Variants in INPP4B observed in about 807,000 individuals in gnomAD.
INPP4B encodes inositol polyphosphate-4-phosphatase type II B, also known as inositol polyphosphate 4-phosphatase type II.
Under a neutral mutation model 122.5 loss-of-function variants are expected in INPP4B, and 55 were observed. The ratio of observed to expected loss-of-function variants is 0.45; its 90% CI spans 0.36 to 0.56. The LOEUF is 0.56. Among genes scored for constraint, INPP4B ranks in the 20% least tolerant of loss-of-function variants. The pLI, the probability that INPP4B is intolerant of heterozygous loss-of-function variation, is 0.00. For synonymous variants in INPP4B, 403 were observed against 388.7 expected, an observed-to-expected ratio of 1.04 and a Z score of -0.43; for missense variants, 1,000 against 1,097.7, an observed-to-expected ratio of 0.91 and a Z score of 1.26.
At chr4:142,292,350 C>T (rs1756810084) in intron 9 of INPP4B, among the ~76,000 whole-genome samples, 1 of 152,186 alleles carries the variant, frequency 6.6e-6, no homozygotes, top group African/African-American at 2.4e-5. Flanking sequence ...CTGTATCTCA[C>T]TTGGTCATAG....
intron 2 of INPP4B, among the ~76,000 whole-genome samples, chr4:142,556,353 C>T (rs1729167790): frequency 6.6e-6 from 1 of 152,110 alleles, no homozygotes; most frequent in Non-Finnish European, 1.5e-5. Context: ...TTACTGGGTC[C>T]CTGACTCCAG....
At chr4:142,552,696 C>T (rs1728266108) in intron 2 of INPP4B, among the ~76,000 whole-genome samples, 2 of 152,290 alleles carry the variant, frequency 1.3e-5, no homozygotes, top group South Asian at 4.1e-4. Flanking sequence ...TTAATATTTA[C>T]CATCTGCCAG....
At chr4:142,080,901 G>T (rs948353058) in intron 25 of INPP4B, among the ~76,000 whole-genome samples, 1 of 152,072 alleles carries the variant, frequency 6.6e-6, no homozygotes, top group Non-Finnish European at 1.5e-5. Flanking sequence ...TTAGTGCTGA[G>T]ATATTATTTT....
chr4:142,224,117 C>A (rs540835220), intron 12 of INPP4B, among the ~76,000 whole-genome samples: 2 of 152,042 alleles, frequency 1.3e-5, no homozygotes, highest in Non-Finnish European at 2.9e-5. Context: ...AGACACAAGG[C>A]GAGGCTGGAG....
At chr4:142,429,073 ATT>A in intron 5 of INPP4B, 98 bp downstream of exon 5, 1 of 591,602 alleles carries the variant, frequency 1.7e-6, no homozygotes, top group South Asian at 2.3e-5. Flanking sequence ...GTTCATAAAA[ATT>A]TGTCAAATAT....
At chr4:142,755,274 T>C (rs1402748939) in intron 1 of INPP4B, among the ~76,000 whole-genome samples, 1 of 152,090 alleles carries the variant, frequency 6.6e-6, no homozygotes, top group Admixed American at 6.6e-5. Flanking sequence ...ATTCTATGTC[T>C]ATATCATTAT....
intron 12 of INPP4B, among the ~76,000 whole-genome samples, chr4:142,220,061 T>C (rs966377309): frequency 6.6e-6 from 1 of 152,224 alleles, no homozygotes; most frequent in Admixed American, 6.5e-5. Context: ...CAATGAATGT[T>C]CTTTTGGACA....
At position 142,253,370 on chromosome 4, in the gene INPP4B, A is replaced by T. The variant is rs187597138; in HGVS notation, c.688+7122T>A. Among the ~76,000 whole-genome samples, 403 of 152,352 alleles carry T rather than the reference A, an allele frequency of 2.6e-3. 2 individuals are homozygous for T. The highest frequency in any genetic ancestry group is 9.0e-3 in the African/African-American group (373 of 41,588). The stretch of plus-strand genomic sequence containing the variant: ...GAGGAGCCAAGATGGCCGAATAGGA[A>T]CAGCTCCGGTCTACAGCTCCCAGTG... On this transcript the variant is annotated intron_variant, in intron 11 of 25. Coordinates refer to ENST00000262992, the MANE Select transcript of INPP4B (RefSeq NM_001101669.3).
intron 2 of INPP4B, among the ~76,000 whole-genome samples, chr4:142,496,025 C>T (rs1822516665): frequency 6.6e-6 from 1 of 152,060 alleles, no homozygotes; most frequent in Non-Finnish European, 1.5e-5. Context: ...CTTGATTCCT[C>T]AGTTTTCTGT....
chr4:142,741,975 G>A (rs1193850972), intron 1 of INPP4B, among the ~76,000 whole-genome samples: 1 of 151,916 alleles, frequency 6.6e-6, no homozygotes, highest in Non-Finnish European at 1.5e-5. Context: ...TTTGGGTTCA[G>A]GAAACAGAGT....
At chr4:142,585,787 G>A (rs1480139014) in intron 2 of INPP4B, among the ~76,000 whole-genome samples, 1 of 151,700 alleles carries the variant, frequency 6.6e-6, no homozygotes, top group African/African-American at 2.4e-5. Flanking sequence ...AGGAGGTAGA[G>A]AGTATAAGAG....
chr4:142,756,093 T>C (rs1225449681), intron 1 of INPP4B, among the ~76,000 whole-genome samples: 1 of 152,004 alleles, frequency 6.6e-6, no homozygotes, highest in African/African-American at 2.4e-5. Context: ...GTATATGATA[T>C]AGTGCAGGCG....
intron 5 of INPP4B, among the ~76,000 whole-genome samples, chr4:142,424,582 T>G (rs1232728181): frequency 1.3e-5 from 2 of 152,116 alleles, no homozygotes; most frequent in Non-Finnish European, 2.9e-5. Flanking sequence ...ATCCTGCTTT[T>G]AAAACTTTCA....
At chr4:142,629,405 A>AT (rs1747394681) in intron 2 of INPP4B, among the ~76,000 whole-genome samples, 1 of 152,114 alleles carries the variant, frequency 6.6e-6, no homozygotes, top group Non-Finnish European at 1.5e-5. Context: ...TAAGAATGAT[A>AT]TTAGCTTCAA....
chr4:142,777,305 T>C (rs941906703), intron 1 of INPP4B, among the ~76,000 whole-genome samples: 1 of 152,078 alleles, frequency 6.6e-6, no homozygotes, highest in African/African-American at 2.4e-5. Context: ...TGGAGAGAGA[T>C]AGAGAGAGAA....
At chr4:142,223,192 GCA>G (rs147785040) in intron 12 of INPP4B, among the ~76,000 whole-genome samples, 4,653 of 146,394 alleles carry the variant, frequency 0.032, 177 homozygotes, top group African/African-American at 0.092. Context: ...ATATGTGCAT[GCA>G]CACACACACA....
intron 1 of INPP4B, among the ~76,000 whole-genome samples, chr4:142,728,527 C>T (rs1340615435): frequency 6.6e-6 from 1 of 152,066 alleles, no homozygotes; most frequent in African/African-American, 2.4e-5. Flanking sequence ...AATAAGGTGG[C>T]CCCTTAAACT....
At chr4:142,377,220 T>G (rs1375276420) in intron 7 of INPP4B, among the ~76,000 whole-genome samples, 1 of 151,968 alleles carries the variant, frequency 6.6e-6, no homozygotes, top group Non-Finnish European at 1.5e-5. Flanking sequence ...ATTTCACGAA[T>G]TTTTCCTGAA....
chr4:142,407,048 T>C (rs375563563), intron 5 of INPP4B, among the ~76,000 whole-genome samples: 28 of 152,276 alleles, frequency 1.8e-4, no homozygotes, highest in African/African-American at 6.5e-4. Context: ...TTTTAAAAAA[T>C]ACTGGTGCCA....
Sources: allele counts gnomAD v4.1 joint callset (sites outside exome capture counted in the v4.1 genomes callset), GRCh38; gene constraint gnomAD v4.1.1; transcripts MANE v1.5; gene names NCBI Gene and HGNC (gene_info 2026-07-23, HGNC 2026-07-21).